OR9Q1: variants seen among roughly 807,000 people sequenced by gnomAD.
OR9Q1 encodes olfactory receptor family 9 subfamily Q member 1, also known as olfactory receptor 9Q1.
For synonymous variants in OR9Q1, 153 were observed against 148.6 expected, an observed-to-expected ratio of 1.03 and a Z score of -0.22; for missense variants, 374 against 378.8, an observed-to-expected ratio of 0.99 and a Z score of 0.11.
At chr11:58,082,337 G>C (rs1309913427) in intron 2 of OR9Q1, among the ~76,000 whole-genome samples, 2 of 151,968 alleles carry the variant, frequency 1.3e-5, no homozygotes, top group Non-Finnish European at 2.9e-5. Flanking sequence ...CAAAGATTTG[G>C]AGCCAACCCA....
At chr11:58,112,476 G>A (rs188772168) in intron 2 of OR9Q1, among the ~76,000 whole-genome samples, 4 of 152,246 alleles carry the variant, frequency 2.6e-5, no homozygotes, top group East Asian at 1.9e-4. Context: ...GCCAACCACA[G>A]TACCTTTTTT....
chr11:58,128,806 AAAAG>A (rs933956588), intron 2 of OR9Q1, among the ~76,000 whole-genome samples: 1 of 152,212 alleles, frequency 6.6e-6, no homozygotes, highest in African/African-American at 2.4e-5. Context: ...ATAAAAATAA[AAAAG>A]CAAATATAAT....
At chr11:58,176,669 C>T (rs566431533) in intron 2 of OR9Q1, among the ~76,000 whole-genome samples, 1 of 152,190 alleles carries the variant, frequency 6.6e-6, no homozygotes, top group East Asian at 1.9e-4. Context: ...ATGGTAGGGT[C>T]CAGGGACTGA....
intron 2 of OR9Q1, among the ~76,000 whole-genome samples, chr11:58,161,239 T>TAA (rs201839734): frequency 1.2e-4 from 14 of 113,932 alleles, no homozygotes; most frequent in Non-Finnish European, 2.2e-4. Flanking sequence ...ACGTAAAGTA[T>TAA]AAAAAAAAAA....
At chr11:58,164,943 T>G (rs1293842997) in intron 2 of OR9Q1, among the ~76,000 whole-genome samples, 2 of 152,198 alleles carry the variant, frequency 1.3e-5, no homozygotes. Flanking sequence ...TCTCTCTTGA[T>G]TCCTTCAAAT....
intron 2 of OR9Q1, among the ~76,000 whole-genome samples, chr11:58,148,606 T>C (rs748613895): frequency 6.6e-6 from 1 of 152,152 alleles, no homozygotes; most frequent in Non-Finnish European, 1.5e-5. Context: ...TTTTGGTGGC[T>C]ATGGGGCTAA....
intron 1 of OR9Q1, among the ~76,000 whole-genome samples, chr11:58,027,168 C>T (rs1042553030): frequency 3.9e-5 from 6 of 152,184 alleles, no homozygotes; most frequent in Admixed American, 1.3e-4. Context: ...CAATTGCCCA[C>T]GCATGCCCAA....
chr11:58,158,970 T>C (rs986504520), intron 2 of OR9Q1, among the ~76,000 whole-genome samples: 6 of 152,206 alleles, frequency 3.9e-5, no homozygotes, highest in Non-Finnish European at 8.8e-5. Flanking sequence ...TTTCTTAACT[T>C]GGCTGCATTT....
intron 2 of OR9Q1, among the ~76,000 whole-genome samples, chr11:58,067,127 G>A (rs997275784): frequency 2.0e-5 from 3 of 151,814 alleles, no homozygotes; most frequent in African/African-American, 4.8e-5. Flanking sequence ...CATCTCCCGG[G>A]TTCACGCCAT....
Position 58,180,311 on chromosome 11 carries a change from C to T in OR9Q1, c.867C>T (p.Tyr289=), listed in dbSNP as rs1243090189. ...EVIPMLNPLI[Y]SLRNKEVKEA... Reference sequence around the variant, plus strand: ...TCCCCATGTTGAATCCCCTCATCTACAGCCTGAGGAACAAGGAAGTGAAGG... The same window carrying T: ...TCCCCATGTTGAATCCCCTCATCTATAGCCTGAGGAACAAGGAAGTGAAGG... Residue 289 remains tyrosine, a synonymous_variant, in exon 3 of 3, where the codon TAC becomes TAT. Transcript: ENST00000335397. The T allele has an allele frequency of 2.5e-6, 4 of 1,612,156 alleles. No homozygotes were observed. The highest frequency in any genetic ancestry group is 2.2e-5 in the South Asian group (2 of 90,942).
chr11:58,030,362 T>C (rs1342014260), intron 1 of OR9Q1, among the ~76,000 whole-genome samples: 1 of 152,210 alleles, frequency 6.6e-6, no homozygotes, highest in Non-Finnish European at 1.5e-5. Context: ...TTCCAGGAGA[T>C]GTCAACATGT....
Position 58,180,242 on chromosome 11 carries a change from T to G in OR9Q1, c.798T>G (p.Ser266=). 6.2e-7 allele frequency: 1 copy of G among 1,614,132 alleles called. No individual in the cohort carries two copies. Residue 266 remains serine (S), a synonymous_variant, in exon 3 of 3, where the codon TCT becomes TCG. Coordinates refer to ENST00000335397, the MANE Select transcript of OR9Q1 (RefSeq NM_001005212.4). ...ACTTGAGAGGTAACTCAGATCAGTC[T>G]TCGGAGAAGAATCGGGTAGTGTCTG... ...FMYLRGNSDQ[S]SEKNRVVSVL...
rs369844898 is a variant in OR9Q1 at position 58,090,802 on chromosome 11, T to C, written c.-15+34855T>C. Among the ~76,000 whole-genome samples the C allele has an allele frequency of 2.0e-4, 31 of 152,312 alleles. 1 individual carries two copies. The East Asian group carries it at 6.0e-3, about 29-fold the overall frequency. ...ATTTTTTCGTTGGTAGGCTATTAATTACTGCCTGAATTTCAGAACTTGTTA... is the reference window on the plus strand; with the variant it reads ...ATTTTTTCGTTGGTAGGCTATTAATCACTGCCTGAATTTCAGAACTTGTTA... On this transcript the variant is annotated intron_variant, in intron 2 of 2. Coordinates refer to ENST00000335397, the MANE Select transcript of OR9Q1 (RefSeq NM_001005212.4).
chr11:58,096,082 T>C (rs1172564550), intron 2 of OR9Q1, among the ~76,000 whole-genome samples: 1 of 151,938 alleles, frequency 6.6e-6, no homozygotes, highest in African/African-American at 2.4e-5. Context: ...AGCCATGAAA[T>C]TGTAAATATA....
chr11:58,129,098 T>TCTC (rs1196802404), intron 2 of OR9Q1, among the ~76,000 whole-genome samples: 19 of 152,130 alleles, frequency 1.2e-4, no homozygotes, highest in African/African-American at 4.6e-4. Context: ...CAGGTACATA[T>TCTC]CTCTTACAGG....
chr11:58,146,207 A>G (rs890376083), intron 2 of OR9Q1, among the ~76,000 whole-genome samples: 4 of 152,332 alleles, frequency 2.6e-5, no homozygotes, highest in African/African-American at 9.6e-5. Flanking sequence ...TTCATGGACC[A>G]TCTGCCTCAA....
At position 58,031,453 on chromosome 11, in the gene OR9Q1, G is replaced by A. The variant is rs201805857; in HGVS notation, c.-93+7349G>A. 5 of 1,614,114 alleles carry A rather than the reference G, an allele frequency of 3.1e-6. No individual in the cohort carries two copies. The East Asian group carries it at 8.9e-5, about 29-fold the overall frequency. On this transcript the variant is annotated intron_variant, in intron 1 of 2. Coordinates refer to ENST00000335397, the MANE Select transcript of OR9Q1 (RefSeq NM_001005212.4). ...CACCCATCTTGCCAATCTACCTCTT[G>A]TCTCAGCTAACATTTTATGGCCCAA...
At chr11:58,156,793 A>G (rs1332659185) in intron 2 of OR9Q1, among the ~76,000 whole-genome samples, 2 of 152,030 alleles carry the variant, frequency 1.3e-5, no homozygotes, top group Non-Finnish European at 2.9e-5. Context: ...CTATCCATAT[A>G]TTTGATAATT....
chr11:58,086,599 A>G (rs781192223), intron 2 of OR9Q1, among the ~76,000 whole-genome samples: 15 of 151,948 alleles, frequency 9.9e-5, no homozygotes, highest in Non-Finnish European at 2.2e-4. Flanking sequence ...AGATATGGAA[A>G]CAACCTAAGT....
Sources: allele counts gnomAD v4.1 joint callset (sites outside exome capture counted in the v4.1 genomes callset), GRCh38; gene constraint gnomAD v4.1.1; transcripts MANE v1.5; gene names NCBI Gene and HGNC (gene_info 2026-07-23, HGNC 2026-07-21).